Variants in PDE1A observed in about 807,000 individuals in gnomAD.
PDE1A encodes the protein phosphodiesterase 1A, also known as dual specificity calcium/calmodulin-dependent 3',5'-cyclic nucleotide phosphodiesterase 1A.
A neutral mutation model predicts 61.7 loss-of-function variants in PDE1A; 35 were observed. The ratio of observed to expected loss-of-function variants is 0.57; its 90% CI spans 0.43 to 0.75. The LOEUF is 0.75. Among genes scored for constraint, PDE1A ranks in the 30% least tolerant of loss-of-function variants. The pLI, the probability that PDE1A is intolerant of heterozygous loss-of-function variation, is 0.00. For missense variants in PDE1A, 597 were observed against 630.6 expected, an observed-to-expected ratio of 0.95 and a Z score of 0.57; for synonymous variants, 232 against 213.2, an observed-to-expected ratio of 1.09 and a Z score of -0.77.
At chr2:182,332,618 T>G (rs1028645310) in intron 1 of PDE1A, among the ~76,000 whole-genome samples, 2 of 152,176 alleles carry the variant, frequency 1.3e-5, no homozygotes, top group Admixed American at 6.5e-5. Context: ...GCAGGTCTGC[T>G]GGAGTTTGCT....
chr2:182,230,094 C>T, exon 6 of PDE1A: 1 of 1,612,680 alleles, frequency 6.2e-7, no homozygotes, highest in Non-Finnish European at 8.5e-7. Flanking sequence ...TTTGTACTTG[C>T]TGTAACCAAC....
At chr2:182,174,785 T>G (rs1415095017) in intron 13 of PDE1A, among the ~76,000 whole-genome samples, 1 of 152,128 alleles carries the variant, frequency 6.6e-6, no homozygotes, top group African/African-American at 2.4e-5. Flanking sequence ...GGGATACATG[T>G]GCAGAATGTG....
upstream of PDE1A, among the ~76,000 whole-genome samples, chr2:182,429,721 C>T (rs1306908294): frequency 6.6e-6 from 1 of 152,082 alleles, no homozygotes; most frequent in Non-Finnish European, 1.5e-5. Context: ...CAAAAGTACC[C>T]TAAGAGTGTC....
Position 182,294,247 on chromosome 2 carries a change from A to G in PDE1A, c.54-29833T>C, listed in dbSNP as rs1437475499. 2.0e-5 allele frequency among the ~76,000 whole-genome samples: 3 copies of G among 152,252 alleles called. No individual in the cohort carries two copies. The East Asian group carries it at 5.8e-4, about 29-fold the overall frequency. Reference sequence around the variant, plus strand: ...GATGAGGGGGGAGCTATTGTACAACATAAGTAAACGTGATAAATGTAAATT... The same window carrying G: ...GATGAGGGGGGAGCTATTGTACAACGTAAGTAAACGTGATAAATGTAAATT... On this transcript the variant is annotated intron_variant, in intron 1 of 13. Coordinates refer to ENST00000351439, the Ensembl canonical transcript of PDE1A.
intron 1 of PDE1A, among the ~76,000 whole-genome samples, chr2:182,384,305 T>C (rs1235720377): frequency 2.0e-5 from 3 of 152,060 alleles, no homozygotes; most frequent in African/African-American, 7.2e-5. Flanking sequence ...GTTCCAGTGA[T>C]TGACCCTAAA....
At chr2:182,703,430 T>C in the PDE1A span, among the ~76,000 whole-genome samples, 5 of 152,170 alleles carry the variant, frequency 3.3e-5, no homozygotes, top group Non-Finnish European at 7.3e-5. Flanking sequence ...GGTTGCTGAA[T>C]GGCATAAGGG....
upstream of PDE1A, among the ~76,000 whole-genome samples, chr2:182,527,324 AAAAATATATATATAT>A (rs1433324424): frequency 4.7e-3 from 174 of 37,150 alleles, 8 homozygotes; most frequent in Admixed American, 0.013. Context: ...AAAAAAAAAA[AAAAATATATATATAT>A]ATATATATAT....
At chr2:182,385,439 G>A (rs1416007498) in intron 1 of PDE1A, among the ~76,000 whole-genome samples, 2 of 151,998 alleles carry the variant, frequency 1.3e-5, no homozygotes, top group Non-Finnish European at 2.9e-5. Flanking sequence ...TGGAATAAAT[G>A]TATATTTTGT....
chr2:182,444,092 C>A (rs963289560), intron 2 of PDE1A, among the ~76,000 whole-genome samples: 2 of 152,182 alleles, frequency 1.3e-5, no homozygotes, highest in African/African-American at 4.8e-5. Flanking sequence ...CTCTCAAAAT[C>A]TCCCTACCCA....
At chr2:182,383,416 G>T (rs929679292) in intron 1 of PDE1A, among the ~76,000 whole-genome samples, 5 of 152,052 alleles carry the variant, frequency 3.3e-5, no homozygotes, top group African/African-American at 1.2e-4. Context: ...GAAGGACAGA[G>T]ATAATGTCAT....
the PDE1A span, among the ~76,000 whole-genome samples, chr2:182,690,032 T>C: frequency 6.6e-6 from 1 of 152,258 alleles, no homozygotes; most frequent in East Asian, 1.9e-4. Context: ...ATTGAGGCAA[T>C]AATTAACAGC....
At chr2:182,537,346 C>T in the PDE1A span, among the ~76,000 whole-genome samples, 127 of 152,230 alleles carry the variant, frequency 8.3e-4, no homozygotes, top group Non-Finnish European at 7.9e-4. Flanking sequence ...ATGTCCTTTG[C>T]AGGGACATGG....
Position 182,297,280 on chromosome 2 carries a change from A to T in PDE1A, c.54-32866T>A, listed in dbSNP as rs1438330974. ...TCTTTTCTTGGTTTTGATCTTTCCCATTAGTGAAAAAAAAAAATCCTACTA... is the reference window on the plus strand; with the variant it reads ...TCTTTTCTTGGTTTTGATCTTTCCCTTTAGTGAAAAAAAAAAATCCTACTA... On this transcript the variant is annotated intron_variant, in intron 1 of 13. Coordinates refer to ENST00000351439, the Ensembl canonical transcript of PDE1A. Among the ~76,000 whole-genome samples, 4 of 35,306 alleles carry T rather than the reference A, an allele frequency of 1.1e-4. 1 individual carries two copies. In the Admixed American group the frequency reaches 1.3e-3, roughly 11 times the overall value. The allele number at this position is 35,306 out of a possible 152,430, so 23.2% of individuals were successfully genotyped here. A position where few individuals can be genotyped will look rare whatever the true frequency, so the allele number is the denominator to read the frequency against.
the PDE1A span, among the ~76,000 whole-genome samples, chr2:182,619,502 C>T: frequency 3.7e-4 from 57 of 152,046 alleles, no homozygotes; most frequent in African/African-American, 1.3e-3. Flanking sequence ...CAGAATTTGT[C>T]AGAGCCACTC....
At chr2:182,202,963 T>A (rs1686785587) in intron 8 of PDE1A, among the ~76,000 whole-genome samples, 1 of 152,170 alleles carries the variant, frequency 6.6e-6, no homozygotes, top group Non-Finnish European at 1.5e-5. Flanking sequence ...TGAATTACGA[T>A]CTTGCACAAA....
At chr2:182,222,639 G>A (rs1292587647) in intron 7 of PDE1A, among the ~76,000 whole-genome samples, 2 of 151,950 alleles carry the variant, frequency 1.3e-5, no homozygotes, top group African/African-American at 4.8e-5. Context: ...CTTTAAGGTA[G>A]CAGGAGGAAG....
At chr2:182,453,690 A>G (rs1685686666) in intron 2 of PDE1A, among the ~76,000 whole-genome samples, 1 of 152,220 alleles carries the variant, frequency 6.6e-6, no homozygotes, top group Non-Finnish European at 1.5e-5. Flanking sequence ...CAATAGATGC[A>G]GAAAAGGCCT....
At chr2:182,221,111 C>T (rs1030916431) in intron 7 of PDE1A, among the ~76,000 whole-genome samples, 1 of 151,966 alleles carries the variant, frequency 6.6e-6, no homozygotes, top group Non-Finnish European at 1.5e-5. Flanking sequence ...TCATCCCCCT[C>T]CTTTCCTCCA....
At chr2:182,696,802 A>G in the PDE1A span, among the ~76,000 whole-genome samples, 1 of 152,212 alleles carries the variant, frequency 6.6e-6, no homozygotes, top group Non-Finnish European at 1.5e-5. Context: ...TCTATTTTCA[A>G]AAATTTCCTA....
Sources: allele counts gnomAD v4.1 joint callset (sites outside exome capture counted in the v4.1 genomes callset), GRCh38; gene constraint gnomAD v4.1.1; transcripts MANE v1.5; gene names NCBI Gene and HGNC (gene_info 2026-07-23, HGNC 2026-07-21).